Variants in BRD10 observed in about 807,000 individuals in gnomAD.
BRD10 encodes uncharacterized bromodomain-containing protein 10.
the BRD10 span, among the ~76,000 whole-genome samples, chr9:5,973,190 G>A: frequency 6.6e-6 from 1 of 152,190 alleles, no homozygotes; most frequent in Non-Finnish European, 1.5e-5. Context: ...ACAACAGTTG[G>A]GCCCTGTGGC....
At chr9:6,007,144 G>C in the BRD10 span, 2 of 1,552,970 alleles carry the variant, frequency 1.3e-6, no homozygotes, top group East Asian at 2.3e-5. Flanking sequence ...GCACGTGTGA[G>C]TGTGTGTTTG....
chr9:5,930,121 G>T, the BRD10 span, among the ~76,000 whole-genome samples: 25 of 146,270 alleles, frequency 1.7e-4, 1 homozygote, highest in African/African-American at 2.5e-4. Flanking sequence ...ATCATGTTGG[G>T]TTTTTTTTTT....
chr9:5,954,325 C>T, the BRD10 span, among the ~76,000 whole-genome samples: 1 of 152,074 alleles, frequency 6.6e-6, no homozygotes, highest in Non-Finnish European at 1.5e-5. Flanking sequence ...ATGAACTGAA[C>T]GATTACCATC....
At chr9:5,961,986 T>C in the BRD10 span, among the ~76,000 whole-genome samples, 1 of 152,158 alleles carries the variant, frequency 6.6e-6, no homozygotes, top group Admixed American at 6.5e-5. Context: ...CCTTCAGTTC[T>C]GTTCTGATTT....
the BRD10 span, among the ~76,000 whole-genome samples, chr9:5,904,823 G>T: frequency 6.6e-6 from 1 of 151,410 alleles, no homozygotes; most frequent in Non-Finnish European, 1.5e-5. Context: ...GCCCAGGCTG[G>T]AGTGCAGTGG....
At chr9:6,004,844 T>A in the BRD10 span, among the ~76,000 whole-genome samples, 1 of 152,220 alleles carries the variant, frequency 6.6e-6, no homozygotes. Context: ...TTGGAAGCAG[T>A]TAGTAATGAC....
chr9:6,000,764 G>A, the BRD10 span, among the ~76,000 whole-genome samples: 1 of 151,948 alleles, frequency 6.6e-6, no homozygotes, highest in Non-Finnish European at 1.5e-5. Context: ...TCTAAATTAA[G>A]CATTTCAGCT....
At chr9:5,904,619 C>T in the BRD10 span, among the ~76,000 whole-genome samples, 3 of 152,204 alleles carry the variant, frequency 2.0e-5, no homozygotes, top group East Asian at 5.8e-4. Flanking sequence ...ATTAAAGGTG[C>T]ATACTACTAT....
At chr9:5,901,136 A>G in the BRD10 span, among the ~76,000 whole-genome samples, 1 of 152,230 alleles carries the variant, frequency 6.6e-6, no homozygotes, top group South Asian at 2.1e-4. Flanking sequence ...AGGCTTAAAA[A>G]AAAAAGAAAA....
At chr9:5,919,784 G>A in the BRD10 span, 9 of 1,613,806 alleles carry the variant, frequency 5.6e-6, no homozygotes, top group Middle Eastern at 4.9e-4. Flanking sequence ...CTGAGAGAGA[G>A]ATGGAGAGAG....
chr9:5,951,413 T>C, the BRD10 span, among the ~76,000 whole-genome samples: 3 of 152,152 alleles, frequency 2.0e-5, no homozygotes, highest in Non-Finnish European at 2.9e-5. Context: ...ACTGGTCCTT[T>C]GGCAAACTGG....
At chr9:5,954,118 CCTT>C in the BRD10 span, 2 of 1,338,286 alleles carry the variant, frequency 1.5e-6, no homozygotes, top group Non-Finnish European at 2.1e-6. Flanking sequence ...AAAGAGAAAA[CCTT>C]CATAATGCTG....
chr9:5,917,061 G>T, the BRD10 span, among the ~76,000 whole-genome samples: 1 of 152,150 alleles, frequency 6.6e-6, no homozygotes, highest in African/African-American at 2.4e-5. Context: ...TAAATAAGAG[G>T]TTATCTAGAT....
the BRD10 span, among the ~76,000 whole-genome samples, chr9:5,895,566 T>C: frequency 6.6e-6 from 1 of 152,212 alleles, no homozygotes; most frequent in Non-Finnish European, 1.5e-5. Flanking sequence ...ACTACATACC[T>C]GCTTTGGGTA....
the BRD10 span, chr9:5,923,092 A>G: frequency 6.2e-7 from 1 of 1,614,002 alleles, no homozygotes; most frequent in Non-Finnish European, 8.5e-7. Context: ...CAATCTGCAC[A>G]TCACTTTCTA....
the BRD10 span, among the ~76,000 whole-genome samples, chr9:5,980,814 T>G: frequency 1.3e-5 from 2 of 152,144 alleles, no homozygotes; most frequent in Non-Finnish European, 2.9e-5. Context: ...TATACTAAAT[T>G]TTCAGGCTGC....
At chr9:5,966,189 C>G in the BRD10 span, among the ~76,000 whole-genome samples, 1 of 152,124 alleles carries the variant, frequency 6.6e-6, no homozygotes, top group Non-Finnish European at 1.5e-5. Context: ...AGAGTACTTG[C>G]TGAATACAAT....
chr9:5,912,122 T>G, the BRD10 span, among the ~76,000 whole-genome samples: 2 of 152,194 alleles, frequency 1.3e-5, no homozygotes, highest in Admixed American at 6.5e-5. Context: ...CTTAGATATT[T>G]TATTTTATTT....
the BRD10 span, among the ~76,000 whole-genome samples, chr9:5,949,320 C>T: frequency 6.6e-6 from 1 of 152,128 alleles, no homozygotes; most frequent in Non-Finnish European, 1.5e-5. Context: ...GATTGTGCCA[C>T]TGCACTCCAG....
Sources: allele counts gnomAD v4.1 joint callset (sites outside exome capture counted in the v4.1 genomes callset), GRCh38; gene constraint gnomAD v4.1.1; transcripts MANE v1.5; gene names NCBI Gene and HGNC (gene_info 2026-07-23, HGNC 2026-07-21).